PTPRG: variants seen among roughly 807,000 people sequenced by gnomAD.
The protein encoded by PTPRG is receptor-type tyrosine-protein phosphatase gamma.
Under a neutral mutation model 165.3 loss-of-function variants are expected in PTPRG, and 102 were observed. The ratio of observed to expected loss-of-function variants is 0.62; its 90% CI spans 0.53 to 0.73. The LOEUF (loss-of-function observed/expected upper bound fraction) is 0.73, where lower values mean the gene tolerates loss of function less well. Ranked by LOEUF, PTPRG falls within the 30% of genes least tolerant of loss-of-function variation. The pLI is 0.00. For synonymous variants in PTPRG, 675 were observed against 669.5 expected (o/e 1.01, Z -0.13); for missense variants, 1,866 against 1,861.4 (o/e 1.00, Z -0.05).
chr3:61,577,473 G>A (rs1559509777), intron 1 of PTPRG, among the ~76,000 whole-genome samples: 1 of 152,084 alleles, frequency 6.6e-6, no homozygotes, highest in Non-Finnish European at 1.5e-5. Context: ...TGCTTCAAGT[G>A]TAAAATATAC....
At chr3:61,696,724 T>C (rs2030623250) in intron 1 of PTPRG, among the ~76,000 whole-genome samples, 1 of 152,208 alleles carries the variant, frequency 6.6e-6, no homozygotes, top group East Asian at 1.9e-4. Context: ...GCCCTAGCTT[T>C]TTTCAATGGA....
intron 2 of PTPRG, among the ~76,000 whole-genome samples, chr3:61,872,091 C>G (rs1345013214): frequency 1.3e-5 from 2 of 152,238 alleles, no homozygotes; most frequent in Non-Finnish European, 2.9e-5. Flanking sequence ...AAGGGAAACA[C>G]TTTTCAAAAT....
chr3:62,286,575 T>TTTTTTC, intron 28 of PTPRG, among the ~76,000 whole-genome samples: 1 of 151,436 alleles, frequency 6.6e-6, no homozygotes, highest in Non-Finnish European at 1.5e-5. Context: ...AAAAAAACAT[T>TTTTTTC]ACTGTACTTC....
Position 62,195,051 on chromosome 3 carries a change from T to C in PTPRG, c.1219-11T>C, listed in dbSNP as rs1368815824. On this transcript the variant is annotated splice_polypyrimidine_tract_variant and intron_variant, in intron 9 of 29. Transcript: ENST00000474889. This position sits in a 1 kb window ranked among gnomAD's most constrained non-coding sequence, Gnocchi z 4.4. The stretch of plus-strand genomic sequence containing the variant: ...AAACTAACTCACTGCTTTTTCCTTC[T>C]TTACTTACAGAAAGCCACCATTAGC... 6.2e-7 allele frequency: 1 copy of C among 1,613,232 alleles called. No individual in the cohort carries two copies. The highest frequency in any genetic ancestry group is 2.2e-5 in the East Asian group (1 of 44,870).
Position 61,989,661 on chromosome 3 carries a change from T to A in PTPRG, c.227T>A (p.Val76Asp). 6.2e-7 allele frequency: 1 copy of A among 1,614,110 alleles called. No individual in the cohort carries two copies. ...YGPEHWVTSS[V>D]SCGGRHQSPI... ...CCTGAGCACTGGGTCACGTCTAGTG[T>A]CAGCTGTGGGGGCCGTCACCAGTCT... Residue 76 changes from valine (V) to aspartate (D), a missense_variant, in exon 3 of 30, where the codon GTC (valine) becomes GAC (aspartate). Physicochemically the swap from Val to Asp is radical, Grantham distance 152. Transcript: ENST00000474889.
At chr3:62,137,587 C>G (rs766177496) in intron 6 of PTPRG, among the ~76,000 whole-genome samples, 5 of 152,122 alleles carry the variant, frequency 3.3e-5, no homozygotes, top group African/African-American at 4.8e-5. Context: ...GAGCATACTT[C>G]TCAGTTGTCA....
At chr3:61,731,040 G>A (rs967479355) in intron 1 of PTPRG, among the ~76,000 whole-genome samples, 1 of 152,142 alleles carries the variant, frequency 6.6e-6, no homozygotes, top group Admixed American at 6.5e-5. Context: ...TACTCTTTCT[G>A]CATTATTCAA....
chr3:61,871,148 GTGTTGTGTTGTGTTGTGTTATGTTA>G lies in PTPRG; in HGVS notation c.191-118472_191-118448del, dbSNP rs1433147967. On this transcript the variant is annotated intron_variant, in intron 2 of 29. Coordinates refer to ENST00000474889, the MANE Select transcript of PTPRG (RefSeq NM_002841.4). ...ATGTTATGTTGTGTTGTGTTGTGTT[GTGTTGTGTTGTGTTGTGTTATGTTA>G]TGTTATGTTATGTTATGTTATGTTA... Among the ~76,000 whole-genome samples the G allele has an allele frequency of 1.6e-4, 19 of 121,944 alleles. No individual in the cohort carries two copies. The South Asian group carries it at 2.0e-3, about 13-fold the overall frequency. 80.0% of individuals were successfully genotyped at this position (121,944 alleles called of 152,430 possible).
At chr3:61,867,789 A>C (rs1242649622) in intron 2 of PTPRG, among the ~76,000 whole-genome samples, 1 of 152,154 alleles carries the variant, frequency 6.6e-6, no homozygotes, top group Non-Finnish European at 1.5e-5. Flanking sequence ...GACGTCCCTT[A>C]CGGAACTCAA....
intron 2 of PTPRG, among the ~76,000 whole-genome samples, chr3:61,817,021 TATA>T (rs2035788323): frequency 2.3e-5 from 3 of 131,056 alleles, no homozygotes; most frequent in East Asian, 2.0e-4. Context: ...ATATATACTA[TATA>T]ATATATAGTA....
chr3:61,754,538 G>C (rs1258091179), intron 2 of PTPRG, among the ~76,000 whole-genome samples: 1 of 152,198 alleles, frequency 6.6e-6, no homozygotes, highest in Admixed American at 6.5e-5. Context: ...CAGCGTGCCA[G>C]TGTGTCTTGT....
intron 2 of PTPRG, among the ~76,000 whole-genome samples, chr3:61,933,496 G>C (rs572222946): frequency 2.0e-5 from 3 of 152,150 alleles, no homozygotes; most frequent in African/African-American, 7.2e-5. Flanking sequence ...CCAAGCATAC[G>C]TTGCTTCTGG....
chr3:61,563,687 C>T (rs1031506172), intron 1 of PTPRG, among the ~76,000 whole-genome samples: 1 of 152,224 alleles, frequency 6.6e-6, no homozygotes, highest in African/African-American at 2.4e-5. Context: ...CCGAGGTCTC[C>T]GCTCTGCCTG....
At chr3:61,963,173 A>C (rs1575827973) in intron 2 of PTPRG, among the ~76,000 whole-genome samples, 1 of 152,192 alleles carries the variant, frequency 6.6e-6, no homozygotes, top group African/African-American at 2.4e-5. Context: ...CTTTTAAAGT[A>C]GGAGTTCTTA....
chr3:61,646,399 A>T (rs1475256582), intron 1 of PTPRG, among the ~76,000 whole-genome samples: 3 of 152,240 alleles, frequency 2.0e-5, no homozygotes, highest in South Asian at 2.1e-4. Context: ...GGCATGAGCC[A>T]CCGCTCCTGG....
chr3:61,690,914 C>T (rs2030154394), intron 1 of PTPRG, among the ~76,000 whole-genome samples: 1 of 152,030 alleles, frequency 6.6e-6, no homozygotes, highest in Non-Finnish European at 1.5e-5. Flanking sequence ...GTTTCTTTTA[C>T]ATCTCTGAGA....
chr3:62,066,274 A>G (rs76517312), intron 4 of PTPRG, among the ~76,000 whole-genome samples: 2,499 of 152,316 alleles, frequency 0.016, 65 homozygotes, highest in African/African-American at 0.057. Context: ...GTAACAAACT[A>G]TATTTCAGGT....
chr3:61,989,752 C>T lies in PTPRG; in HGVS notation c.318C>T (p.Gly106=). 1 of 1,614,148 alleles carries T rather than the reference C, an allele frequency of 6.2e-7. No individual in the cohort carries two copies. Among genetic ancestry groups the T allele is most frequent in the South Asian group, 1.1e-5 (1 of 91,078 alleles). The change falls in exon 3 of 30, where the codon GGC becomes GGT. Residue 106 remains glycine (G), a synonymous_variant. Coordinates refer to ENST00000474889, the MANE Select transcript of PTPRG (RefSeq NM_002841.4). The part of the protein sequence containing the change: ...GEEYQELQLD[G]FDNESSNKTW... ...AATACCAGGAACTGCAACTCGATGGCTTCGACAATGAGTCTTCTAACAAAA... is the reference window on the plus strand; with the variant it reads ...AATACCAGGAACTGCAACTCGATGGTTTCGACAATGAGTCTTCTAACAAAA...
chr3:61,977,130 A>G (rs1201313990), intron 2 of PTPRG, among the ~76,000 whole-genome samples: 1 of 152,082 alleles, frequency 6.6e-6, no homozygotes, highest in Non-Finnish European at 1.5e-5. Flanking sequence ...TGTATATCTG[A>G]TTATGTGCTC....
Sources: allele counts gnomAD v4.1 joint callset (sites outside exome capture counted in the v4.1 genomes callset), GRCh38; gene constraint gnomAD v4.1.1; non-coding constraint Gnocchi (gnomAD v3.1); transcripts MANE v1.5; gene names NCBI Gene and HGNC (gene_info 2026-07-23, HGNC 2026-07-21).